The following SOD2 variants were observed in gnomAD, a reference collection of about 807,000 sequenced individuals.
SOD2 encodes the protein superoxide dismutase [Mn], mitochondrial.
A neutral mutation model predicts 27.0 loss-of-function variants in SOD2; 11 were observed. That is an observed-to-expected ratio of 0.41 (90% CI 0.26 to 0.67). The LOEUF (loss-of-function observed/expected upper bound fraction) is 0.67, where lower values mean the gene tolerates loss of function less well. Among genes scored for constraint, SOD2 ranks in the 30% least tolerant of loss-of-function variants. The pLI is 0.34. For missense variants in SOD2, 250 were observed against 274.5 expected (o/e 0.91, Z 0.63); for synonymous variants, 105 against 103.0 (o/e 1.02, Z -0.12).
At chr6:159,697,079 A>ACACACG (rs1491257731), upstream of SOD2, among the ~76,000 whole-genome samples, 6 of 149,512 alleles carry the variant, frequency 4.0e-5, no homozygotes, top group African/African-American at 1.5e-4. Context: ...ACACACACAC[A>ACACACG]CGCAGTCAGC....
At chr6:159,744,511 A>G (rs1229286055) in intron 1 of SOD2, among the ~76,000 whole-genome samples, 1 of 127,254 alleles carries the variant, frequency 7.9e-6, no homozygotes, top group South Asian at 3.0e-4. Context: ...GACACCAAAA[A>G]TCTATGGGCA....
intron 1 of SOD2, among the ~76,000 whole-genome samples, chr6:159,720,930 C>T (rs1015551903): frequency 1.4e-5 from 2 of 138,254 alleles, no homozygotes; most frequent in Non-Finnish European, 3.1e-5. Context: ...GATCTCGGCT[C>T]AGTGCAACCT....
intron 1 of SOD2, among the ~76,000 whole-genome samples, chr6:159,704,914 C>T (rs1300628054): frequency 2.6e-5 from 4 of 152,204 alleles, no homozygotes; most frequent in South Asian, 2.1e-4. Flanking sequence ...CCAGGTACCC[C>T]TCTGAGAGGA....
intron 1 of SOD2, chr6:159,753,330 G>A: frequency 1.6e-6 from 2 of 1,264,582 alleles, no homozygotes; most frequent in Admixed American, 2.2e-5. Context: ...AAAAGAAGAT[G>A]GTAATTATGG....
At chr6:159,723,392 T>C (rs1778077502) in intron 1 of SOD2, among the ~76,000 whole-genome samples, 1 of 152,230 alleles carries the variant, frequency 6.6e-6, no homozygotes, top group African/African-American at 2.4e-5. Context: ...TTAGTGTTGT[T>C]TGTTCTCCTA....
At chr6:159,743,570 G>A (rs1779388799) in intron 1 of SOD2, 1 of 1,201,858 alleles carries the variant, frequency 8.3e-7, no homozygotes, top group Admixed American at 2.7e-5. Flanking sequence ...CTAAAGACTT[G>A]ATTAATTTTT....
Position 159,677,984 on chromosome 6 carries a change from G to A in SOD2, c.*4509C>T, listed in dbSNP as rs1264779230. The A allele has an allele frequency of 6.6e-6, 1 of 152,176 alleles. No individual in the cohort carries two copies. Among genetic ancestry groups the A allele is most frequent in the Non-Finnish European group, 1.5e-5 (1 of 68,036 alleles). The allele number at this position is 152,176 out of a possible 1,614,324, so 9.4% of individuals were successfully genotyped here. ...TACCAGAAAGACCAAGGCAAGATTG[G>A]AGGGTTTGGACTCCCAGCCTCAACC... On this transcript the variant is annotated 3_prime_UTR_variant, in exon 5 of 5. Transcript: ENST00000538183.
intron 1 of SOD2, among the ~76,000 whole-genome samples, chr6:159,737,014 A>T (rs114427194): frequency 0.012 from 1,785 of 152,316 alleles, 30 homozygotes; most frequent in African/African-American, 0.04. Context: ...ATGCTTTCAT[A>T]ATCTGAGAAT....
intron 1 of SOD2, chr6:159,738,947 C>G: frequency 1.3e-6 from 2 of 1,487,688 alleles, no homozygotes; most frequent in Non-Finnish European, 9.3e-7. Flanking sequence ...AACTTTGTGT[C>G]TTCAGGAAGA....
chr6:159,674,092 A>T lies in SOD2; in HGVS notation c.*8401T>A. On this transcript the variant is annotated 3_prime_UTR_variant, in exon 5 of 5. Transcript: ENST00000538183. ...AGACCAATAACAGGCTCTGAAATTG[A>T]GGCAATAATTAATAGCCTACCAACC... is the stretch of plus-strand genomic sequence containing the variant. The T allele has an allele frequency of 6.6e-6, 1 of 152,212 alleles. No individual in the cohort carries two copies. Among genetic ancestry groups the T allele is most frequent in the Non-Finnish European group, 1.5e-5 (1 of 68,034 alleles). 9.4% of individuals were successfully genotyped at this position (152,212 alleles called of 1,614,324 possible).
rs1345135570 is a variant in SOD2, at chr6:159,674,589, A to G, written c.*7904T>C. On this transcript the variant is annotated 3_prime_UTR_variant, in exon 5 of 5. Coordinates refer to ENST00000538183, the MANE Select transcript of SOD2 (RefSeq NM_000636.4). ...TCTCAATGAATTAGGTATTGATGGG[A>G]CATATCTCAAAATAATAAGAGCTAT... 2.0e-5 allele frequency: 3 copies of G among 152,246 alleles called. No individual in the cohort carries two copies. The highest frequency in any genetic ancestry group is 7.2e-5 in the African/African-American group (3 of 41,470). The allele number at this position is 152,246 out of a possible 1,614,324, so 9.4% of individuals were successfully genotyped here. A position where few individuals can be genotyped will look rare whatever the true frequency, so the allele number is the denominator to read the frequency against.
chr6:159,699,792 C>T (rs1777492657), intron 1 of SOD2, among the ~76,000 whole-genome samples: 1 of 152,168 alleles, frequency 6.6e-6, no homozygotes, highest in Non-Finnish European at 1.5e-5. Flanking sequence ...TCTGGGCCAG[C>T]ACAACCCAGG....
upstream of SOD2, among the ~76,000 whole-genome samples, chr6:159,745,435 A>G (rs1583096248): frequency 6.7e-6 from 1 of 148,360 alleles, no homozygotes; most frequent in Non-Finnish European, 1.5e-5. Context: ...AACCTTTTCC[A>G]GCTTTTTTTT....
upstream of SOD2, chr6:159,748,806 T>C (rs1583102566): frequency 1.6e-6 from 2 of 1,232,488 alleles, no homozygotes; most frequent in East Asian, 6.3e-5. The surrounding 1 kb of genome is among the most constrained non-coding windows in gnomAD (Gnocchi z 5.6). Flanking sequence ...TCCAGTAAAA[T>C]GTAAAAACGG....
At chr6:159,762,057 G>T (rs1415711514) in exon 1 of SOD2, 3 of 1,611,196 alleles carry the variant, frequency 1.9e-6, no homozygotes, top group East Asian at 2.2e-5. Flanking sequence ...CTTGCAGGCA[G>T]CGCAGGGCAG....
intron 1 of SOD2, chr6:159,713,943 G>T: frequency 1.2e-6 from 1 of 853,776 alleles, no homozygotes; most frequent in Non-Finnish European, 1.9e-6. Context: ...GATAGGCCCT[G>T]GACCTTCACC....
intron 1 of SOD2, chr6:159,738,900 C>G (rs529498318): frequency 2.1e-6 from 2 of 935,414 alleles, no homozygotes; most frequent in South Asian, 3.2e-5. Flanking sequence ...CCGTTTAAAT[C>G]TCACACTTGG....
intron 1 of SOD2, among the ~76,000 whole-genome samples, chr6:159,722,999 A>G (rs931674078): frequency 4.6e-5 from 7 of 152,212 alleles, no homozygotes; most frequent in African/African-American, 1.7e-4. Flanking sequence ...AGACCATAGG[A>G]TGCCAACTTG....
At position 159,725,723 on chromosome 6, in the gene SOD2, C is replaced by T. The variant is rs554355376; in HGVS notation, c.-116+1406G>A. The stretch of plus-strand genomic sequence containing the variant: ...TTCCAGGATATCCTTCCAATTCCTC[C>T]CCGAAAATAAGCATATACACATAAA... On this transcript the variant is annotated intron_variant, in intron 1 of 2. Transcript: ENST00000401980. 4 of 151,550 alleles carry T rather than the reference C, an allele frequency of 2.6e-5. No homozygotes were observed. In the South Asian group the frequency reaches 6.3e-4, roughly 24 times the overall value. The allele number at this position is 151,550 out of a possible 1,614,324, so 9.4% of individuals were successfully genotyped here. A position where few individuals can be genotyped will look rare whatever the true frequency, so the allele number is the denominator to read the frequency against.
Sources: gnomAD v4.1 joint callset for allele counts (sites outside exome capture counted in the v4.1 genomes callset) on GRCh38, gnomAD v4.1.1 for gene constraint, Gnocchi (gnomAD v3.1) non-coding constraint, MANE v1.5 for transcripts, NCBI Gene and HGNC (gene_info 2026-07-23, HGNC 2026-07-21) for gene names.